The following ANO2 variants were observed in gnomAD, a reference collection of about 807,000 sequenced individuals.
ANO2 encodes anoctamin-2.
A neutral mutation model predicts 124.2 loss-of-function variants in ANO2; 101 were observed. The ratio of observed to expected loss-of-function variants is 0.81; its 90% CI spans 0.69 to 0.96. ANO2 has a LOEUF of 0.96. ANO2 is among the 40% of genes least tolerant of loss of function. ANO2 has a pLI of 0.00. For synonymous variants in ANO2, 486 were observed against 482.5 expected (o/e 1.01, Z -0.09); for missense variants, 1,293 against 1,274.5 (o/e 1.01, Z -0.22).
At chr12:5,922,121 T>C (rs932661299) in intron 2 of ANO2, among the ~76,000 whole-genome samples, 13 of 152,146 alleles carry the variant, frequency 8.5e-5, no homozygotes, top group Admixed American at 5.2e-4. Context: ...TTCTGCTGTC[T>C]TCCACTCCAG....
chr12:5,771,217 C>G (rs1043888294), intron 10 of ANO2, among the ~76,000 whole-genome samples: 8 of 152,114 alleles, frequency 5.3e-5, no homozygotes, highest in African/African-American at 1.9e-4. Context: ...TCATCAAAAC[C>G]CCATAAGGTG....
At chr12:5,583,958 G>T in intron 20 of ANO2, 1 of 231,554 alleles carries the variant, frequency 4.3e-6, no homozygotes, top group South Asian at 8.2e-5. Context: ...TGAAGGCACG[G>T]AGCACCATGC....
chr12:5,674,962 C>G (rs1948168586), intron 14 of ANO2, among the ~76,000 whole-genome samples: 1 of 115,762 alleles, frequency 8.6e-6, no homozygotes, highest in African/African-American at 2.6e-5. Flanking sequence ...AGCTTGAAAG[C>G]TAAGGGATGG....
At chr12:5,693,582 T>C (rs1261981177) in intron 14 of ANO2, among the ~76,000 whole-genome samples, 3 of 152,192 alleles carry the variant, frequency 2.0e-5, no homozygotes, top group Non-Finnish European at 4.4e-5. Context: ...TGTGGTCTTC[T>C]GCTCAGAGCC....
At chr12:5,587,515 G>A (rs1182763869) in intron 20 of ANO2, among the ~76,000 whole-genome samples, 1 of 152,174 alleles carries the variant, frequency 6.6e-6, no homozygotes, top group Admixed American at 6.5e-5. Context: ...CCATGACAGG[G>A]CTGTGAGGGG....
chr12:5,801,946 C>T (rs572752134), intron 9 of ANO2, among the ~76,000 whole-genome samples: 1 of 152,272 alleles, frequency 6.6e-6, no homozygotes, highest in African/African-American at 2.4e-5. Flanking sequence ...CATTTGTTGC[C>T]CAAAGGGAGA....
chr12:5,735,281 G>A (rs552058384), intron 13 of ANO2, among the ~76,000 whole-genome samples: 3 of 152,230 alleles, frequency 2.0e-5, no homozygotes, highest in African/African-American at 2.4e-5. Context: ...CCCTCCCATC[G>A]AGACTCTGGG....
At chr12:5,647,618 C>A in intron 15 of ANO2, 109 bp downstream of exon 15, 1 of 950,110 alleles carries the variant, frequency 1.1e-6, no homozygotes, top group Non-Finnish European at 1.7e-6. Context: ...GTGGCTTCCC[C>A]TTTACCAGCC....
intron 7 of ANO2, among the ~76,000 whole-genome samples, chr12:5,816,566 T>C (rs754485351): frequency 1.3e-5 from 2 of 152,008 alleles, no homozygotes; most frequent in Non-Finnish European, 2.9e-5. Flanking sequence ...ATCCCAAAGG[T>C]ATTGGAAATA....
chr12:5,820,024 T>C (rs1251930948), intron 7 of ANO2, among the ~76,000 whole-genome samples: 1 of 152,216 alleles, frequency 6.6e-6, no homozygotes, highest in Admixed American at 6.5e-5. Flanking sequence ...ACTTAATTTA[T>C]ATAAGCAGAA....
At chr12:5,902,363 T>C (rs550354812) in intron 3 of ANO2, among the ~76,000 whole-genome samples, 3 of 151,912 alleles carry the variant, frequency 2.0e-5, no homozygotes, top group Admixed American at 1.3e-4. Flanking sequence ...GGCAGGAGGA[T>C]GGCTTGGAGC....
intron 20 of ANO2, among the ~76,000 whole-genome samples, chr12:5,597,942 T>C (rs1259028372): frequency 2.0e-5 from 3 of 152,240 alleles, no homozygotes; most frequent in African/African-American, 4.8e-5. Flanking sequence ...TTTCTTTACA[T>C]ATTGTTTCTG....
chr12:5,863,370 G>A (rs911057404), intron 3 of ANO2, among the ~76,000 whole-genome samples: 1 of 152,156 alleles, frequency 6.6e-6, no homozygotes, highest in African/African-American at 2.4e-5. Flanking sequence ...AAGAAATAGG[G>A]AATAATCCTC....
At position 5,635,276 on chromosome 12, in the gene ANO2, G is replaced by C. The variant is rs1188090351; in HGVS notation, c.1692C>G (p.Leu564=). 6.2e-7 allele frequency: 1 copy of C among 1,611,282 alleles called. No individual in the cohort carries two copies. The highest frequency in any genetic ancestry group is 1.3e-5 in the African/African-American group (1 of 74,716). ...GGACATTGGAGCGTGTAGCCTTATT[G>C]AGAGACAGAGCGGCTGCAGTTGTTA... is the stretch of plus-strand genomic sequence containing the variant. ...YRITTAAALS[L]NKATRSNVRV... The change falls in exon 16 of 25, where the codon CTC becomes CTG. Residue 564 remains leucine, a synonymous_variant. Transcript: ENST00000682330. This position sits in a 1 kb window ranked among gnomAD's most constrained non-coding sequence, Gnocchi z 5.2.
intron 23 of ANO2, among the ~76,000 whole-genome samples, chr12:5,573,698 C>T (rs1271365027): frequency 1.3e-5 from 2 of 152,194 alleles, no homozygotes; most frequent in Non-Finnish European, 2.9e-5. Flanking sequence ...TCTTTATAGG[C>T]CCAGATGCGA....
chr12:5,638,591 C>T (rs192226074), intron 15 of ANO2, among the ~76,000 whole-genome samples: 183 of 151,396 alleles, frequency 1.2e-3, no homozygotes, highest in Admixed American at 2.2e-3. Flanking sequence ...GCTTATTGTG[C>T]GACCCACTGC....
At chr12:5,857,524 T>C (rs1729143372) in intron 3 of ANO2, among the ~76,000 whole-genome samples, 1 of 152,204 alleles carries the variant, frequency 6.6e-6, no homozygotes, top group South Asian at 2.1e-4. Flanking sequence ...ACTGCGTCCT[T>C]GCCAGCCTTT....
rs377415316 is a variant in ANO2, at chr12:5,565,425, GC to G, written c.2727+132del. Reference sequence around the variant, plus strand: ...AACCCGGAAAGGAGCCCTCACTTCTGCCTGCCACACATGAAGCTTTCTTATG... The same window carrying G: ...AACCCGGAAAGGAGCCCTCACTTCTGCTGCCACACATGAAGCTTTCTTATG... On this transcript the variant is annotated intron_variant, in intron 24 of 24. Transcript: ENST00000682330. 601 of 795,292 alleles carry G rather than the reference GC, an allele frequency of 7.6e-4. 3 individuals carry two copies. In the African/African-American group the frequency reaches 8.2e-3, roughly 11 times the overall value. The allele number at this position is 795,292 out of a possible 1,614,324, so 49.3% of individuals were successfully genotyped here. A position where few individuals can be genotyped will look rare whatever the true frequency, so the allele number is the denominator to read the frequency against.
rs866419617 is a variant in ANO2, at chr12:5,925,719, G to A, written c.23-2915C>T. On this transcript the variant is annotated intron_variant, in intron 1 of 24. Transcript: ENST00000682330. The surrounding 1 kb of genome is among the most constrained non-coding windows in gnomAD (Gnocchi z 4.6). ...GGAAAGAATCTTTCCTTCCTTCACC[G>A]TTGCCTTGGCTCTCCTTCCACGCTG... Among the ~76,000 whole-genome samples, 25 of 152,316 alleles carry A rather than the reference G, an allele frequency of 1.6e-4. 1 individual carries two copies. The South Asian group carries it at 1.7e-3, about 10-fold the overall frequency.
Sources: allele counts gnomAD v4.1 joint callset (sites outside exome capture counted in the v4.1 genomes callset), GRCh38; gene constraint gnomAD v4.1.1; non-coding constraint Gnocchi (gnomAD v3.1); transcripts MANE v1.5; gene names NCBI Gene and HGNC (gene_info 2026-07-23, HGNC 2026-07-21).